ANKRD36C: variants seen among roughly 807,000 people sequenced by gnomAD.
ANKRD36C encodes the protein ankyrin repeat domain 36C, also known as ankyrin repeat domain-containing protein 36C.
ANKRD36C carries 61 observed loss-of-function variants against 276.4 expected under a neutral mutation model. The ratio of observed to expected loss-of-function variants is 0.22; its 90% CI spans 0.18 to 0.27. The LOEUF (loss-of-function observed/expected upper bound fraction) is 0.27. Ranked by LOEUF, ANKRD36C falls within the 10% of genes least tolerant of loss-of-function variation. ANKRD36C has a pLI of 1.00. For missense variants in ANKRD36C, 1,447 were observed against 2,032.3 expected, an observed-to-expected ratio of 0.71 and a Z score of 5.54; for synonymous variants, 483 against 680.1, an observed-to-expected ratio of 0.71 and a Z score of 4.51.
intron 17 of ANKRD36C, among the ~76,000 whole-genome samples, chr2:95,946,122 C>G (rs1678039687): frequency 8.7e-6 from 1 of 115,390 alleles, no homozygotes; most frequent in Admixed American, 1.2e-4. Context: ...CTGAAACATT[C>G]TTACTACAAA....
intron 42 of ANKRD36C, among the ~76,000 whole-genome samples, chr2:95,911,628 A>T (rs146374160): frequency 7.6e-4 from 115 of 151,630 alleles, no homozygotes; most frequent in African/African-American, 2.6e-3. Context: ...CAATTCAAAC[A>T]CTGTTTCCTG....
chr2:95,963,972 A>AATAAATATAT (rs1678521503), intron 6 of ANKRD36C, among the ~76,000 whole-genome samples: 9 of 48,994 alleles, frequency 1.8e-4, no homozygotes, highest in Non-Finnish European at 2.6e-4. Flanking sequence ...TATATATATA[A>AATAAATATAT]ATATATATAT....
intron 14 of ANKRD36C, among the ~76,000 whole-genome samples, chr2:95,951,650 T>C (rs1002198477): frequency 2.0e-5 from 3 of 152,398 alleles, no homozygotes; most frequent in African/African-American, 7.2e-5. Context: ...ATTATACAAA[T>C]ACTATGATAT....
chr2:95,913,315 T>G (rs1169729664), intron 40 of ANKRD36C, among the ~76,000 whole-genome samples: 1 of 151,068 alleles, frequency 6.6e-6, no homozygotes, highest in Non-Finnish European at 1.5e-5. Flanking sequence ...TGTTATTCTC[T>G]AAAGAAGTTT....
intron 42 of ANKRD36C, chr2:95,907,509 AT>A (rs1199424051): frequency 1.7e-4 from 25 of 143,796 alleles, no homozygotes; most frequent in African/African-American, 6.5e-4. Flanking sequence ...ATTAGCCTCA[AT>A]AAAAATATCA....
intron 56 of ANKRD36C, among the ~76,000 whole-genome samples, chr2:95,881,362 T>G (rs1335625314): frequency 1.3e-5 from 2 of 152,246 alleles, no homozygotes; most frequent in African/African-American, 4.8e-5. Context: ...GCTCCAGGCA[T>G]TAGATATTAA....
rs558928643 is a variant in ANKRD36C, at chr2:95,860,317, C to A, written c.3683-243G>T. Among the ~76,000 whole-genome samples, 3 of 150,254 alleles carry A rather than the reference C, an allele frequency of 2.0e-5. No homozygotes were observed. In the South Asian group the frequency reaches 6.3e-4, roughly 32 times the overall value. ...GTGACAGTTATAAACTCAGATAGGTCCTGTAAAAAAAAAAAAAAACATAGT... is the reference window on the plus strand; with the variant it reads ...GTGACAGTTATAAACTCAGATAGGTACTGTAAAAAAAAAAAAAAACATAGT... On this transcript the variant is annotated intron_variant, in intron 60 of 66. Transcript: ENST00000456556.
Position 95,913,312 on chromosome 2 carries a change from C to G in ANKRD36C, c.2551+796G>C, listed in dbSNP as rs576692139. Among the ~76,000 whole-genome samples the G allele has an allele frequency of 2.6e-5, 4 of 150,976 alleles. No individual in the cohort carries two copies. The East Asian group carries it at 7.9e-4, about 30-fold the overall frequency. On this transcript the variant is annotated intron_variant, in intron 40 of 66. Transcript: ENST00000456556. ...CTCTTGTTGGGAGTATCGTGTTATT[C>G]TCTAAAGAAGTTTCATTAAATAGCT...
intron 46 of ANKRD36C, among the ~76,000 whole-genome samples, chr2:95,891,165 T>C (rs1676342991): frequency 6.6e-6 from 1 of 151,384 alleles, no homozygotes; most frequent in Non-Finnish European, 1.5e-5. Context: ...ACCCCAAAAT[T>C]ATATAAAAGA....
intron 24 of ANKRD36C, among the ~76,000 whole-genome samples, chr2:95,933,189 T>G (rs535068314): frequency 4.3e-4 from 66 of 152,398 alleles, no homozygotes; most frequent in African/African-American, 1.5e-3. Context: ...TACTATAGCC[T>G]TGTAGTGTAG....
chr2:95,986,888 G>A, exon 3 of ANKRD36C: 1 of 1,612,308 alleles, frequency 6.2e-7, no homozygotes, highest in Non-Finnish European at 8.5e-7. Flanking sequence ...TTTTGCAGCA[G>A]AAGAGTTGCA....
chr2:95,910,340 A>T (rs759615263), intron 42 of ANKRD36C, 33 bp downstream of exon 46: 39 of 1,520,868 alleles, frequency 2.6e-5, no homozygotes, highest in Middle Eastern at 2.1e-4. Context: ...CTATCTGGAC[A>T]GAACACGACA....
chr2:95,871,204 C>A (rs1675803551), intron 59 of ANKRD36C, among the ~76,000 whole-genome samples: 1 of 152,038 alleles, frequency 6.6e-6, no homozygotes. Flanking sequence ...AACTCCAAGA[C>A]ACATAATTGT....
At chr2:95,962,754 A>G (rs1486651952) in intron 6 of ANKRD36C, among the ~76,000 whole-genome samples, 1 of 152,156 alleles carries the variant, frequency 6.6e-6, no homozygotes, top group Admixed American at 6.6e-5. Flanking sequence ...TACACTTACA[A>G]TTTCAAACGT....
At chr2:95,976,281 A>G (rs1678807804) in intron 6 of ANKRD36C, among the ~76,000 whole-genome samples, 2 of 152,230 alleles carry the variant, frequency 1.3e-5, no homozygotes, top group African/African-American at 4.8e-5. Context: ...ATTACTGGGT[A>G]TACACCCAAA....
chr2:95,914,153 A>T (rs760692891), exon 40 of ANKRD36C: 2 of 1,584,120 alleles, frequency 1.3e-6, no homozygotes, highest in South Asian at 2.3e-5. Flanking sequence ...GCTATATTCA[A>T]AACAGAATCT....
intron 60 of ANKRD36C, among the ~76,000 whole-genome samples, chr2:95,861,306 C>T (rs1320518659): frequency 6.6e-6 from 1 of 151,488 alleles, no homozygotes; most frequent in African/African-American, 2.4e-5. Context: ...AGGAAAAATT[C>T]CTAAATTTGA....
Position 95,921,824 on chromosome 2 carries a change from G to C in ANKRD36C, c.2144-14C>G. ...TCTGAGAAGACACTGAAAAACAAAA[G>C]GGATAATCACTCATATGTAAATATG... On this transcript the variant is annotated splice_polypyrimidine_tract_variant and intron_variant, in intron 32 of 66. Transcript: ENST00000456556. 1 of 1,594,160 alleles carries C rather than the reference G, an allele frequency of 6.3e-7. No homozygotes were observed. The highest frequency in any genetic ancestry group is 8.5e-7 in the Non-Finnish European group (1 of 1,173,456).
In ANKRD36C at chr2:95,917,899, G is replaced by A. The variant is rs1397311730; in HGVS notation, c.2303C>T (p.Ser768Leu). The A allele has an allele frequency of 1.6e-5, 26 of 1,606,938 alleles. No individual in the cohort carries two copies. In the East Asian group the frequency reaches 1.8e-4, roughly 11 times the overall value. ...GTCCTTTATTTCTGTGGCTATAATC[G>A]AAACAGAATCTTCCTCGTCAGTTGT... Residue 768 changes from serine (S) to leucine (L), a missense_variant, in exon 36 of 67, where the codon TCG (serine) becomes TTG (leucine). Around this residue, in one of 13 missense-constraint regions of ANKRD36C, gnomAD observed 565 missense variants for 539.5 expected, o/e 1.05. Transcript: ENST00000456556.
Sources: gnomAD v4.1 joint callset for allele counts (sites outside exome capture counted in the v4.1 genomes callset) on GRCh38, gnomAD v4.1.1 for gene constraint, gnomAD v4.1.1 regional missense constraint, MANE v1.5 for transcripts, NCBI Gene and HGNC (gene_info 2026-07-23, HGNC 2026-07-21) for gene names.